TRERF1: variants seen among roughly 807,000 people sequenced by gnomAD.
TRERF1 encodes the protein transcriptional-regulating factor 1.
TRERF1 carries 27 observed loss-of-function variants against 122.9 expected under a neutral mutation model. The ratio of observed to expected loss-of-function variants is 0.22; its 90% confidence interval spans 0.16 to 0.30. The LOEUF (loss-of-function observed/expected upper bound fraction) is 0.30. TRERF1 is among the 10% of genes least tolerant of loss of function. TRERF1 has a pLI of 1.00. For synonymous variants in TRERF1, 636 were observed against 641.7 expected (o/e 0.99, Z 0.13); for missense variants, 1,248 against 1,560.3 (o/e 0.80, Z 3.37).
chr6:42,425,352 C>CCG (rs1783452619), intron 2 of TRERF1, among the ~76,000 whole-genome samples: 1 of 147,184 alleles, frequency 6.8e-6, no homozygotes, highest in African/African-American at 2.5e-5. Flanking sequence ...AATATGACAG[C>CCG]CCCCAACCAA....
chr6:42,339,316 C>T (rs1766805346), intron 3 of TRERF1, among the ~76,000 whole-genome samples: 1 of 152,174 alleles, frequency 6.6e-6, no homozygotes, highest in Non-Finnish European at 1.5e-5. Flanking sequence ...CACCTCCTTG[C>T]CTATTTACTG....
chr6:42,273,953 T>C (rs1780712093), intron 4 of TRERF1, among the ~76,000 whole-genome samples: 1 of 152,242 alleles, frequency 6.6e-6, no homozygotes, highest in African/African-American at 2.4e-5. Flanking sequence ...TTGTTAAGTC[T>C]TCCCAAACTG....
chr6:42,451,625 A>C (rs1582327789), intron 1 of TRERF1, among the ~76,000 whole-genome samples, 49 bp downstream of exon 1: 4 of 76,886 alleles, frequency 5.2e-5, no homozygotes, highest in South Asian at 4.6e-4. Flanking sequence ...ATATACATGC[A>C]CCCCTCCCTC....
chr6:42,316,665 A>C (rs1379773413), intron 3 of TRERF1, among the ~76,000 whole-genome samples: 1 of 152,164 alleles, frequency 6.6e-6, no homozygotes, highest in Non-Finnish European at 1.5e-5. Flanking sequence ...ACTTTGAAGC[A>C]AGGATGATAA....
intron 2 of TRERF1, among the ~76,000 whole-genome samples, chr6:42,372,842 AG>A (rs1774012749): frequency 6.6e-6 from 1 of 152,206 alleles, no homozygotes; most frequent in Non-Finnish European, 1.5e-5. Context: ...CACTGACCAC[AG>A]GGTGGGTGGG....
At chr6:42,318,259 C>T (rs1230249925) in intron 3 of TRERF1, among the ~76,000 whole-genome samples, 7 of 152,152 alleles carry the variant, frequency 4.6e-5, no homozygotes, top group African/African-American at 7.2e-5. Flanking sequence ...GGTCTTATTT[C>T]GCTGAATACA....
At chr6:42,368,659 G>A (rs1773201646) in intron 2 of TRERF1, among the ~76,000 whole-genome samples, 1 of 152,144 alleles carries the variant, frequency 6.6e-6, no homozygotes, top group African/African-American at 2.4e-5. Context: ...CAGGACTCCA[G>A]GCAGTAGTTT....
chr6:42,303,693 C>T (rs1039000576), intron 3 of TRERF1, among the ~76,000 whole-genome samples: 2 of 151,918 alleles, frequency 1.3e-5, no homozygotes, highest in South Asian at 2.1e-4. Flanking sequence ...GTGGGTGGAT[C>T]GCTTGAGCCC....
chr6:42,245,582 A>G (rs1341104120), intron 14 of TRERF1, among the ~76,000 whole-genome samples: 1 of 152,238 alleles, frequency 6.6e-6, no homozygotes, highest in African/African-American at 2.4e-5. Context: ...ACACTAAACC[A>G]TCTCTCAGCC....
chr6:42,445,342 C>T (rs948837867), intron 2 of TRERF1, among the ~76,000 whole-genome samples: 1 of 113,056 alleles, frequency 8.8e-6, no homozygotes, highest in Admixed American at 1.0e-4. Context: ...TCAGGAAACA[C>T]TACACACACA....
intron 15 of TRERF1, among the ~76,000 whole-genome samples, chr6:42,239,584 T>C (rs1291397056): frequency 2.0e-5 from 3 of 152,150 alleles, no homozygotes; most frequent in Admixed American, 2.0e-4. Flanking sequence ...TCATGTTCCA[T>C]CTGGAGGGAA....
At chr6:42,242,347 A>G (rs1773904587) in intron 15 of TRERF1, among the ~76,000 whole-genome samples, 1 of 151,776 alleles carries the variant, frequency 6.6e-6, no homozygotes, top group South Asian at 2.1e-4. Flanking sequence ...ACACACATAC[A>G]TGTGCTAACC....
chr6:42,230,286 G>C (rs1770260436), intron 17 of TRERF1, among the ~76,000 whole-genome samples: 1 of 151,802 alleles, frequency 6.6e-6, no homozygotes, highest in African/African-American at 2.4e-5. Context: ...AAAAGCCACA[G>C]AAACCATTTG....
intron 5 of TRERF1, among the ~76,000 whole-genome samples, chr6:42,266,188 CTTTTT>C (rs34950753): frequency 1.6e-5 from 2 of 128,130 alleles, no homozygotes; most frequent in Non-Finnish European, 1.6e-5. Context: ...TGATGGAATT[CTTTTT>C]TTTTTTTTTT....
At position 42,228,741 on chromosome 6, in the gene TRERF1, C is replaced by A. The variant is rs571872551; in HGVS notation, c.3279-72G>T. The A allele has an allele frequency of 6.9e-7, 1 of 1,459,742 alleles. No homozygotes were observed. 90.4% of individuals were successfully genotyped at this position (1,459,742 alleles called of 1,614,324 possible). A position where few individuals can be genotyped will look rare whatever the true frequency, so the allele number is the denominator to read the frequency against. The stretch of plus-strand genomic sequence containing the variant: ...AGTTCTTGGAAATCCAGGTGTCCTA[C>A]GGGGAATGGGGGTGTGTGGTCTGAC... On this transcript the variant is annotated intron_variant, in intron 17 of 17. Coordinates refer to ENST00000372922, the Ensembl canonical transcript of TRERF1. The surrounding 1 kb of genome is among the most constrained non-coding windows in gnomAD (Gnocchi z 4.2).
intron 3 of TRERF1, among the ~76,000 whole-genome samples, chr6:42,337,155 C>T (rs999809622): frequency 1.1e-4 from 17 of 152,142 alleles, no homozygotes. Context: ...ATACCCTGGA[C>T]GCTGCCCAAG....
intron 3 of TRERF1, among the ~76,000 whole-genome samples, chr6:42,350,505 G>A (rs993743564): frequency 3.3e-5 from 5 of 152,130 alleles, no homozygotes; most frequent in Admixed American, 6.5e-5. Flanking sequence ...CTGCCTCTCT[G>A]AAGTTCCTAG....
In TRERF1 at chr6:42,275,805, A is replaced by T. The variant is rs1781045496; in HGVS notation, c.-258-5957T>A. ...ACCTCCCAGCACACTTTTTCTATAC[A>T]GGGCCAGCTAGTAAATATTTTCAGC... On this transcript the variant is annotated intron_variant, in intron 4 of 17. Coordinates refer to ENST00000372922, the Ensembl canonical transcript of TRERF1. This position sits in a 1 kb window ranked among gnomAD's most constrained non-coding sequence, Gnocchi z 4.1. 6.6e-6 allele frequency among the ~76,000 whole-genome samples: 1 copy of T among 152,192 alleles called. No homozygotes were observed. The highest frequency in any genetic ancestry group is 6.5e-5 in the Admixed American group (1 of 15,280).
intron 13 of TRERF1, among the ~76,000 whole-genome samples, chr6:42,249,654 T>G (rs914082581): frequency 6.6e-6 from 1 of 152,224 alleles, no homozygotes; most frequent in Non-Finnish European, 1.5e-5. Flanking sequence ...GTGGGCTGCA[T>G]GTTCTCCCTG....
Sources: allele counts gnomAD v4.1 joint callset (sites outside exome capture counted in the v4.1 genomes callset), GRCh38; gene constraint gnomAD v4.1.1; non-coding constraint Gnocchi (gnomAD v3.1); transcripts MANE v1.5; gene names NCBI Gene and HGNC (gene_info 2026-07-23, HGNC 2026-07-21).